Variants in DPP6 observed in about 807,000 individuals in gnomAD.
DPP6 encodes A-type potassium channel modulatory protein DPP6.
In DPP6, 69 loss-of-function variants were observed where a neutral mutation model predicts 122.6. That is an observed-to-expected ratio of 0.56 (90% CI 0.46 to 0.69). DPP6 has a LOEUF of 0.69. DPP6 is among the 30% of genes least tolerant of loss of function. DPP6 has a pLI of 0.00. For synonymous variants in DPP6, 418 were observed against 433.1 expected, an observed-to-expected ratio of 0.97 and a Z score of 0.43; for missense variants, 928 against 1,116.9, an observed-to-expected ratio of 0.83 and a Z score of 2.41.
chr7:154,727,931 G>A, intron 8 of DPP6, 44 bp downstream of exon 8: 1 of 1,549,912 alleles, frequency 6.5e-7, no homozygotes, highest in Non-Finnish European at 8.7e-7. Flanking sequence ...TGTGGTTGCT[G>A]CTGCTGCTAC....
chr7:154,754,306 CT>C (rs1039294347), intron 8 of DPP6, among the ~76,000 whole-genome samples: 6 of 152,120 alleles, frequency 3.9e-5, no homozygotes, highest in Non-Finnish European at 4.4e-5. Context: ...AAGGCTATAA[CT>C]TTGTTTTGTG....
intron 7 of DPP6, among the ~76,000 whole-genome samples, chr7:154,675,754 C>T (rs956934441): frequency 6.6e-6 from 1 of 152,214 alleles, no homozygotes; most frequent in African/African-American, 2.4e-5. Context: ...ACCGCGAATG[C>T]TGCCCGTTGC....
chr7:154,409,872 A>T (rs1586189050), intron 1 of DPP6, among the ~76,000 whole-genome samples: 1 of 152,224 alleles, frequency 6.6e-6, no homozygotes, highest in East Asian at 1.9e-4. Flanking sequence ...TTGCCTGTTA[A>T]GCATGGCCTT....
At position 154,755,458 on chromosome 7, in the gene DPP6, C is replaced by T. The variant is rs567471120; in HGVS notation, c.884-13959C>T. Among the ~76,000 whole-genome samples, 4 of 143,984 alleles carry T rather than the reference C, an allele frequency of 2.8e-5. No homozygotes were observed. The East Asian group carries it at 5.9e-4, about 21-fold the overall frequency. The allele number at this position is 143,984 out of a possible 152,430, so 94.5% of individuals were successfully genotyped here. ...TCTCACTTACTAGCTGTGTGAGCTT[C>T]GGCACATTATTTAAACTTTTTTTCC... On this transcript the variant is annotated intron_variant, in intron 8 of 25. Coordinates refer to ENST00000377770, the MANE Select transcript of DPP6 (RefSeq NM_130797.4). The surrounding 1 kb of genome is among the most constrained non-coding windows in gnomAD (Gnocchi z 4.7).
At chr7:154,635,844 A>T (rs1835697551) in intron 5 of DPP6, among the ~76,000 whole-genome samples, 1 of 152,212 alleles carries the variant, frequency 6.6e-6, no homozygotes, top group Non-Finnish European at 1.5e-5. Flanking sequence ...TGTCCTCACA[A>T]CATGGCAGCC....
chr7:154,771,454 G>A (rs537067926), intron 9 of DPP6, among the ~76,000 whole-genome samples: 1 of 152,190 alleles, frequency 6.6e-6, no homozygotes, highest in Non-Finnish European at 1.5e-5. Flanking sequence ...CTCTCCTTTT[G>A]TGGACATGGA....
At chr7:154,703,280 C>T (rs1248537704) in intron 7 of DPP6, among the ~76,000 whole-genome samples, 1 of 152,186 alleles carries the variant, frequency 6.6e-6, no homozygotes, top group Non-Finnish European at 1.5e-5. Context: ...TTTTGCAGCA[C>T]ATGAATCATG....
chr7:154,015,435 C>T (rs2429612), intron 1 of DPP6, among the ~76,000 whole-genome samples: 3 of 152,094 alleles, frequency 2.0e-5, no homozygotes, highest in South Asian at 2.1e-4. Flanking sequence ...AGCCTTGTCT[C>T]CGTAAGTGAA....
At chr7:154,205,410 T>C (rs994204075) in intron 1 of DPP6, among the ~76,000 whole-genome samples, 12 of 152,318 alleles carry the variant, frequency 7.9e-5, no homozygotes, top group African/African-American at 2.9e-4. Context: ...TGTCATTTCA[T>C]GTAGTTAAAT....
At chr7:154,230,223 C>G (rs941137626) in intron 1 of DPP6, among the ~76,000 whole-genome samples, 1 of 152,130 alleles carries the variant, frequency 6.6e-6, no homozygotes, top group Non-Finnish European at 1.5e-5. Context: ...ATGGAAAATT[C>G]TGTGGAAAGA....
the DPP6 span, among the ~76,000 whole-genome samples, chr7:153,810,259 A>C: frequency 6.6e-6 from 1 of 152,304 alleles, no homozygotes; most frequent in African/African-American, 2.4e-5. Flanking sequence ...TGGTGTTGAC[A>C]CATGACTCAT....
chr7:153,748,906 G>A, the DPP6 span, among the ~76,000 whole-genome samples: 1 of 150,836 alleles, frequency 6.6e-6, no homozygotes, highest in Non-Finnish European at 1.5e-5. Flanking sequence ...CGCCTAGGAA[G>A]TTTTGAAGGT....
At chr7:154,333,495 C>T (rs1809133352) in intron 1 of DPP6, among the ~76,000 whole-genome samples, 1 of 152,212 alleles carries the variant, frequency 6.6e-6, no homozygotes. Flanking sequence ...GCTGTACTCC[C>T]AGGCTGCATT....
At chr7:153,988,212 A>T (rs1374180944) in intron 1 of DPP6, among the ~76,000 whole-genome samples, 16 of 151,376 alleles carry the variant, frequency 1.1e-4, no homozygotes, top group Admixed American at 2.6e-4. Context: ...ACTGAGGGTG[A>T]CAAGAAGCTG....
the DPP6 span, among the ~76,000 whole-genome samples, chr7:153,873,707 G>A: frequency 6.6e-5 from 10 of 152,120 alleles, no homozygotes; most frequent in Non-Finnish European, 2.9e-5. Flanking sequence ...CTCTGCCTTC[G>A]GAAATGGAAG....
At chr7:154,427,810 A>G (rs998192529) in intron 1 of DPP6, among the ~76,000 whole-genome samples, 1 of 152,214 alleles carries the variant, frequency 6.6e-6, no homozygotes, top group African/African-American at 2.4e-5. Flanking sequence ...CTAGGCATGC[A>G]TTCAGCATTG....
intron 1 of DPP6, among the ~76,000 whole-genome samples, chr7:154,350,130 T>C (rs543657198): frequency 7.1e-4 from 108 of 152,266 alleles, no homozygotes; most frequent in African/African-American, 2.4e-3. Flanking sequence ...GAGACCCTGG[T>C]CACCTCCCCT....
At chr7:154,817,127 G>T (rs1346172455) in intron 16 of DPP6, among the ~76,000 whole-genome samples, 1 of 152,100 alleles carries the variant, frequency 6.6e-6, no homozygotes, top group Non-Finnish European at 1.5e-5. Flanking sequence ...TGCCATTAAG[G>T]TGTCCTGCAA....
rs955987504 is a variant in DPP6, at chr7:154,421,158, C to T, written c.244-25056C>T. Among the ~76,000 whole-genome samples the T allele has an allele frequency of 2.0e-4, 8 of 40,684 alleles. No homozygotes were observed. The Admixed American group carries it at 3.2e-3, about 16-fold the overall frequency. The allele number at this position is 40,684 out of a possible 152,430, so 26.7% of individuals were successfully genotyped here. ...ACATCTGTAAGTGAATATAACAATGCCTAATTTTCAGCATCATTACAAGAA... is the reference window on the plus strand; with the variant it reads ...ACATCTGTAAGTGAATATAACAATGTCTAATTTTCAGCATCATTACAAGAA... On this transcript the variant is annotated intron_variant, in intron 1 of 25. Coordinates refer to ENST00000377770, the MANE Select transcript of DPP6 (RefSeq NM_130797.4).
Sources: allele counts gnomAD v4.1 joint callset (sites outside exome capture counted in the v4.1 genomes callset), GRCh38; gene constraint gnomAD v4.1.1; non-coding constraint Gnocchi (gnomAD v3.1); transcripts MANE v1.5; gene names NCBI Gene and HGNC (gene_info 2026-07-23, HGNC 2026-07-21).